ERBB4: variants seen among roughly 807,000 people sequenced by gnomAD.
ERBB4 encodes receptor tyrosine-protein kinase erbB-4.
ERBB4 carries 42 observed loss-of-function variants against 158.0 expected under a neutral mutation model. The ratio of observed to expected loss-of-function variants is 0.27; its 90% CI spans 0.21 to 0.34. The LOEUF (loss-of-function observed/expected upper bound fraction) is 0.34, where lower values mean the gene tolerates loss of function less well. Ranked by LOEUF, ERBB4 falls within the 10% of genes least tolerant of loss-of-function variation. ERBB4 has a pLI of 1.00. For missense variants in ERBB4, 1,333 were observed against 1,624.1 expected, an observed-to-expected ratio of 0.82 and a Z score of 3.08; for synonymous variants, 583 against 558.7, an observed-to-expected ratio of 1.04 and a Z score of -0.61.
intron 20 of ERBB4, among the ~76,000 whole-genome samples, chr2:211,490,971 AT>A (rs2065326730): frequency 6.6e-6 from 1 of 152,128 alleles, no homozygotes; most frequent in Non-Finnish European, 1.5e-5. Flanking sequence ...TGTTGGATAG[AT>A]GAGACTCCTC....
chr2:211,701,286 T>C (rs1175588233), intron 12 of ERBB4, among the ~76,000 whole-genome samples: 2 of 152,202 alleles, frequency 1.3e-5, no homozygotes, highest in Non-Finnish European at 2.9e-5. Flanking sequence ...ATGGCAAAAC[T>C]CTGTTATTCT....
intron 12 of ERBB4, among the ~76,000 whole-genome samples, chr2:211,690,926 C>T (rs192950214): frequency 5.5e-4 from 84 of 152,204 alleles, no homozygotes; most frequent in African/African-American, 1.9e-3. Flanking sequence ...TTTATCTCAT[C>T]TGAATTCCAG....
At chr2:211,602,446 T>A (rs892498502) in intron 19 of ERBB4, among the ~76,000 whole-genome samples, 2 of 152,050 alleles carry the variant, frequency 1.3e-5, no homozygotes, top group African/African-American at 4.8e-5. Flanking sequence ...TTCACCAGCC[T>A]GCAATCCAGA....
intron 2 of ERBB4, among the ~76,000 whole-genome samples, chr2:212,105,664 A>G (rs1369096418): frequency 6.6e-6 from 1 of 152,228 alleles, no homozygotes; most frequent in Non-Finnish European, 1.5e-5. Flanking sequence ...AATTATGAAA[A>G]CAATCTAATA....
intron 1 of ERBB4, among the ~76,000 whole-genome samples, chr2:212,537,147 C>CG (rs1304228934): frequency 7.8e-6 from 1 of 128,938 alleles, no homozygotes; most frequent in Admixed American, 7.1e-5. Flanking sequence ...GCGGCGGCGG[C>CG]GGCGGCGGAG....
intron 19 of ERBB4, among the ~76,000 whole-genome samples, chr2:211,570,099 C>T (rs1190986453): frequency 6.6e-6 from 1 of 151,438 alleles, no homozygotes; most frequent in Admixed American, 6.6e-5. Context: ...TTTGATCCTC[C>T]AAAAATTACT....
chr2:212,446,592 T>G (rs1180266440), intron 1 of ERBB4, among the ~76,000 whole-genome samples: 1 of 7,474 alleles, frequency 1.3e-4, no homozygotes, highest in Non-Finnish European at 2.1e-4. Context: ...TATATATATG[T>G]ATATATATAT....
chr2:212,115,666 T>C (rs1242842852), intron 2 of ERBB4, among the ~76,000 whole-genome samples: 1 of 152,116 alleles, frequency 6.6e-6, no homozygotes, highest in Non-Finnish European at 1.5e-5. Flanking sequence ...TCTAGTTATT[T>C]GTTTATTTTG....
chr2:211,680,338 T>C (rs1458855711), intron 12 of ERBB4, among the ~76,000 whole-genome samples: 1 of 152,228 alleles, frequency 6.6e-6, no homozygotes, highest in African/African-American at 2.4e-5. Flanking sequence ...GAGCCATAAA[T>C]ACTTCAAATG....
Position 212,459,198 on chromosome 2 carries a change from G to GT in ERBB4, c.82+79250dup, listed in dbSNP as rs767056723. ...ATAATTAGTTTGTACTCTTTGAGTT[G>GT]TTTTTTTTTATTTTATAGTATTAGA... On this transcript the variant is annotated intron_variant, in intron 1 of 27. Transcript: ENST00000342788. Among the ~76,000 whole-genome samples the GT allele has an allele frequency of 3.6e-4, 54 of 150,826 alleles. No individual in the cohort carries two copies. The East Asian group carries it at 5.1e-3, about 14-fold the overall frequency.
intron 19 of ERBB4, among the ~76,000 whole-genome samples, chr2:211,580,814 T>TATATATAGATATATATATATATA (rs2068056989): frequency 2.0e-5 from 1 of 51,078 alleles, no homozygotes; most frequent in African/African-American, 7.0e-5. Context: ...ATATATATAA[T>TATATATAGATATATATATATATA]ATATATATAT....
chr2:212,417,191 G>A (rs1316516055), intron 1 of ERBB4, among the ~76,000 whole-genome samples: 1 of 151,918 alleles, frequency 6.6e-6, no homozygotes, highest in Non-Finnish European at 1.5e-5. Context: ...TAAAGCAAAT[G>A]GTAGATAAAT....
intron 3 of ERBB4, among the ~76,000 whole-genome samples, chr2:211,862,828 G>A (rs151068552): frequency 0.015 from 2,235 of 152,316 alleles, 67 homozygotes; most frequent in African/African-American, 0.052. Context: ...GGTGAAGCCA[G>A]TTGGACTTCC....
intron 12 of ERBB4, among the ~76,000 whole-genome samples, chr2:211,697,520 A>G (rs2073069117): frequency 6.6e-6 from 1 of 152,208 alleles, no homozygotes; most frequent in South Asian, 2.1e-4. Context: ...TATTCCCAAC[A>G]CATTTAAAGA....
At chr2:212,440,823 G>A (rs907692494) in intron 1 of ERBB4, among the ~76,000 whole-genome samples, 1 of 152,142 alleles carries the variant, frequency 6.6e-6, no homozygotes, top group Non-Finnish European at 1.5e-5. Flanking sequence ...GACCATATGT[G>A]GAGAACCAAG....
At chr2:212,410,168 G>C (rs1336393843) in intron 1 of ERBB4, among the ~76,000 whole-genome samples, 1 of 151,912 alleles carries the variant, frequency 6.6e-6, no homozygotes, top group Non-Finnish European at 1.5e-5. Context: ...ACTATATTGG[G>C]ATGACTTTTT....
At chr2:211,953,059 A>C (rs2080920798) in intron 2 of ERBB4, among the ~76,000 whole-genome samples, 1 of 152,058 alleles carries the variant, frequency 6.6e-6, no homozygotes, top group Admixed American at 6.6e-5. Context: ...GGCGCTGAAC[A>C]TTTAATAATG....
intron 2 of ERBB4, among the ~76,000 whole-genome samples, chr2:212,104,077 A>G (rs1219718402): frequency 6.6e-6 from 1 of 152,096 alleles, no homozygotes; most frequent in Non-Finnish European, 1.5e-5. Context: ...GGACTATACC[A>G]TCTCATTATT....
chr2:211,579,818 G>A (rs1195746927), intron 19 of ERBB4, among the ~76,000 whole-genome samples: 1 of 151,996 alleles, frequency 6.6e-6, no homozygotes, highest in African/African-American at 2.4e-5. Flanking sequence ...TTGGGGGAGG[G>A]AGAACATTAG....
Sources: gnomAD v4.1 joint callset for allele counts (sites outside exome capture counted in the v4.1 genomes callset) on GRCh38, gnomAD v4.1.1 for gene constraint, MANE v1.5 for transcripts, NCBI Gene and HGNC (gene_info 2026-07-23, HGNC 2026-07-21) for gene names.